The following PPARGC1B variants were observed in gnomAD, a reference collection of about 807,000 sequenced individuals.
PPARGC1B encodes PPARG coactivator 1 beta.
In PPARGC1B, 34 loss-of-function variants were observed where a neutral mutation model predicts 101.6. That is an observed-to-expected ratio of 0.33 (90% CI 0.25 to 0.45). PPARGC1B has a LOEUF of 0.45. Ranked by LOEUF, PPARGC1B falls within the 20% of genes least tolerant of loss-of-function variation. PPARGC1B has a pLI of 1.00. For synonymous variants in PPARGC1B, 548 were observed against 539.3 expected (o/e 1.02, Z -0.22); for missense variants, 1,234 against 1,317.6 (o/e 0.94, Z 0.98).
Position 149,811,777 on chromosome 5 carries a change from T to C in PPARGC1B, c.79-8656T>C, listed in dbSNP as rs1336687208. On this transcript the variant is annotated intron_variant, in intron 1 of 11. Coordinates refer to ENST00000309241, the MANE Select transcript of PPARGC1B (RefSeq NM_133263.4). ...ATAAGAAGTTTGATGAGCTCTGAGT[T>C]GAGTCCTCTCTCAGATCCTGAGATA... Among the ~76,000 whole-genome samples, 7 of 152,346 alleles carry C rather than the reference T, an allele frequency of 4.6e-5. No individual in the cohort carries two copies. The South Asian group carries it at 6.2e-4, about 14-fold the overall frequency.
At chr5:149,799,020 T>C (rs1757331858) in intron 1 of PPARGC1B, among the ~76,000 whole-genome samples, 1 of 148,632 alleles carries the variant, frequency 6.7e-6, no homozygotes. Context: ...TTTGCTAAGC[T>C]CCCACCAAGA....
At position 149,836,346 on chromosome 5, in the gene PPARGC1B, G is replaced by A; in HGVS notation, c.1891G>A (p.Glu631Lys). 6.2e-7 allele frequency: 1 copy of A among 1,614,062 alleles called. No homozygotes were observed. Among genetic ancestry groups the A allele is most frequent in the Non-Finnish European group, 8.5e-7 (1 of 1,179,990 alleles). The change falls in exon 8 of 12, where the codon GAA becomes AAA. Residue 631 changes from glutamate to lysine, a missense_variant. By Grantham distance (56) the Glu-to-Lys change is moderately conservative. Transcript: ENST00000309241. ...AGACATCAAGCATAGTCTAGGCAAA[G>A]AAATAGCTCTCAGCCTCCCCTCCCC... ...KPDIKHSLGK[E>K]IALSLPSPEG...
At position 149,845,756 on chromosome 5, in the gene PPARGC1B, G is replaced by A. The variant is rs187554243; in HGVS notation, c.2817-4G>A. The A allele has an allele frequency of 6.6e-5, 106 of 1,603,706 alleles. 1 individual carries two copies. The Admixed American group carries it at 1.6e-3, about 24-fold the overall frequency. On this transcript the variant is annotated splice_polypyrimidine_tract_variant and splice_region_variant and intron_variant, in intron 10 of 11. Coordinates refer to ENST00000309241, the MANE Select transcript of PPARGC1B (RefSeq NM_133263.4). ...AACATACTCTCCTTGCTCCCTCCCC[G>A]CAGAGGCGAGAAGTACGGCTTCATC...
At chr5:149,737,030 A>T (rs1332019044) in intron 1 of PPARGC1B, among the ~76,000 whole-genome samples, 2 of 152,192 alleles carry the variant, frequency 1.3e-5, no homozygotes, top group Non-Finnish European at 2.9e-5. Flanking sequence ...CACACAGAAT[A>T]GTCTCACTGC....
chr5:149,824,812 G>A (rs1397915889), intron 2 of PPARGC1B, among the ~76,000 whole-genome samples: 1 of 152,184 alleles, frequency 6.6e-6, no homozygotes, highest in Non-Finnish European at 1.5e-5. Flanking sequence ...CCCAGGGCCT[G>A]GGTCAGGCCC....
At chr5:149,847,084 CA>C (rs879921257) in intron 11 of PPARGC1B, 21,553 of 270,524 alleles carry the variant, frequency 0.08, no homozygotes, top group South Asian at 0.13. Flanking sequence ...GACTGCATCT[CA>C]AAAAAAAAAA....
chr5:149,780,895 C>A (rs1434455841), intron 1 of PPARGC1B, among the ~76,000 whole-genome samples: 1 of 152,162 alleles, frequency 6.6e-6, no homozygotes, highest in Non-Finnish European at 1.5e-5. Context: ...AGGGGAAGTT[C>A]TGGCTCGAGC....
At chr5:149,793,376 C>G (rs1757094017) in intron 1 of PPARGC1B, among the ~76,000 whole-genome samples, 1 of 152,134 alleles carries the variant, frequency 6.6e-6, no homozygotes, top group African/African-American at 2.4e-5. Context: ...GAAGTTGGTT[C>G]CCCAGAGCAT....
intron 1 of PPARGC1B, chr5:149,771,940 A>T: frequency 8.3e-7 from 1 of 1,201,262 alleles, no homozygotes; most frequent in Non-Finnish European, 1.1e-6. Context: ...ATTCTGCTTT[A>T]CATTCTCATT....
rs180853925 is a variant in PPARGC1B at position 149,736,031 on chromosome 5, A to G, written c.78+5611A>G. On this transcript the variant is annotated intron_variant, in intron 1 of 11. Transcript: ENST00000309241. ...CCCAGCTACTCAGGAGGCTGAGGCC[A>G]GAGAATTGCTTGAACCCGGAGAATT... Among the ~76,000 whole-genome samples, 619 of 152,288 alleles carry G rather than the reference A, an allele frequency of 4.1e-3. 7 individuals are homozygous for G. The highest frequency in any genetic ancestry group is 0.014 in the African/African-American group (579 of 41,562).
chr5:149,839,313 T>A (rs963548827), intron 8 of PPARGC1B, among the ~76,000 whole-genome samples: 10 of 152,250 alleles, frequency 6.6e-5, no homozygotes, highest in African/African-American at 2.4e-4. Context: ...AGGGAGGCGG[T>A]GGGGCCAAGC....
rs529015610 is a variant in PPARGC1B, at chr5:149,832,843, C to T, written c.770C>T (p.Pro257Leu). Reference sequence around the variant, plus strand: ...GAGCCGGGTGAGGACTGCCCGAGCCCCCAGCCAGCTCCAGCCTCTCCCCGG... The same window carrying T: ...GAGCCGGGTGAGGACTGCCCGAGCCTCCAGCCAGCTCCAGCCTCTCCCCGG... Reference protein sequence around the residue: ...DKEPGEDCPSPQPAPASPRDS... With the variant: ...DKEPGEDCPSLQPAPASPRDS... Residue 257 changes from proline (P) to leucine (L), a missense_variant, in exon 5 of 12, where the codon CCC becomes CTC. Physicochemically the swap from Pro to Leu is moderately conservative, Grantham distance 98 (BLOSUM62 -3). Coordinates refer to ENST00000309241, the MANE Select transcript of PPARGC1B (RefSeq NM_133263.4). The surrounding 1 kb of genome is among the most constrained non-coding windows in gnomAD (Gnocchi z 4.9). The T allele has an allele frequency of 5.9e-5, 95 of 1,610,256 alleles. No individual in the cohort carries two copies. The East Asian group carries it at 2.0e-3, about 34-fold the overall frequency.
intron 1 of PPARGC1B, among the ~76,000 whole-genome samples, chr5:149,731,476 C>G (rs571834680): frequency 6.6e-6 from 1 of 152,166 alleles, no homozygotes; most frequent in Non-Finnish European, 1.5e-5. Context: ...GGAGGAGCCC[C>G]GGGTGCTGGC....
At position 149,842,301 on chromosome 5, in the gene PPARGC1B, A is replaced by G. The variant is rs1316654952; in HGVS notation, c.2740A>G (p.Ser914Gly). ...VYIQNLSSDM[S>G]SRELKRRFEV... is the part of the protein sequence containing the mutation. Reference sequence around the variant, plus strand: ...CATTCAAAATCTCTCCAGCGACATGAGCTCCCGAGAGCTGAAGAGGCGCTT... The same window carrying G: ...CATTCAAAATCTCTCCAGCGACATGGGCTCCCGAGAGCTGAAGAGGCGCTT... Residue 914 changes from serine (S) to glycine (G), a missense_variant, in exon 10 of 12, where the codon AGC becomes GGC. Physicochemically the swap from Ser to Gly is moderately conservative, Grantham distance 56. Around this residue, in one of 3 missense-constraint regions of PPARGC1B, gnomAD observed 497 missense variants for 529.5 expected, o/e 0.94. Transcript: ENST00000309241. 2.5e-6 allele frequency: 4 copies of G among 1,613,974 alleles called. No individual in the cohort carries two copies. The Admixed American group carries it at 6.7e-5, about 27-fold the overall frequency.
rs147457894 is a variant in PPARGC1B, at chr5:149,836,913, G to A, written c.2458G>A (p.Asp820Asn). 113 of 1,613,460 alleles carry A rather than the reference G, an allele frequency of 7.0e-5. No individual in the cohort carries two copies. Among genetic ancestry groups the A allele is most frequent in the South Asian group, 4.2e-4 (38 of 90,884 alleles). Residue 820 changes from aspartate to asparagine, a missense_variant, in exon 8 of 12, where the codon GAT (aspartate) becomes AAT (asparagine). Around this residue, in one of 3 missense-constraint regions of PPARGC1B, gnomAD observed 497 missense variants for 529.5 expected, o/e 0.94. Transcript: ENST00000309241. ...AGAAGGGGAGGAGGAGGAGGAGGAC[G>A]ATGAAGAAGAGGACTCAGGGGTCAG... ...EEEGEEEEEDDEEEDSGVSPT... is the reference protein window; with the variant it reads ...EEEGEEEEEDNEEEDSGVSPT...
Position 149,840,126 on chromosome 5 carries a change from C to A in PPARGC1B, c.2694+10C>A. On this transcript the variant is annotated intron_variant, in intron 9 of 11. Transcript: ENST00000309241. Reference sequence around the variant, plus strand: ...GCGGGAAAAGGCCATTGTAAGTGATCTGGGGGCCCAGAGCCTGGAGTGAAT... The same window carrying A: ...GCGGGAAAAGGCCATTGTAAGTGATATGGGGGCCCAGAGCCTGGAGTGAAT... 6.2e-7 allele frequency: 1 copy of A among 1,608,562 alleles called. No individual in the cohort carries two copies. The highest frequency in any genetic ancestry group is 8.5e-7 in the Non-Finnish European group (1 of 1,177,140).
chr5:149,734,040 C>T lies in PPARGC1B; in HGVS notation c.78+3620C>T, dbSNP rs942168610. ...ACATCTTATTTTTAAAAAATGGAGT[C>T]GCCGGGCACGGTGGCTCACCCCTGT... On this transcript the variant is annotated intron_variant, in intron 1 of 11. Coordinates refer to ENST00000309241, the MANE Select transcript of PPARGC1B (RefSeq NM_133263.4). 2.0e-5 allele frequency among the ~76,000 whole-genome samples: 3 copies of T among 151,810 alleles called. No homozygotes were observed. In the East Asian group the frequency reaches 5.8e-4, roughly 29 times the overall value.
chr5:149,761,889 T>C (rs985862139), intron 1 of PPARGC1B, among the ~76,000 whole-genome samples: 1 of 152,158 alleles, frequency 6.6e-6, no homozygotes, highest in Non-Finnish European at 1.5e-5. Context: ...GCCAACCTGA[T>C]TGTGGTACTG....
intron 11 of PPARGC1B, chr5:149,847,157 G>A (rs1273709871): frequency 7.9e-6 from 4 of 507,078 alleles, no homozygotes; most frequent in Non-Finnish European, 1.4e-5. Context: ...TGGACGAGAA[G>A]CTGTTGGGGG....
Sources: allele counts gnomAD v4.1 joint callset (sites outside exome capture counted in the v4.1 genomes callset), GRCh38; gene constraint gnomAD v4.1.1; regional missense constraint gnomAD v4.1.1; non-coding constraint Gnocchi (gnomAD v3.1); transcripts MANE v1.5; gene names NCBI Gene and HGNC (gene_info 2026-07-23, HGNC 2026-07-21).